DPP10: variants seen among roughly 807,000 people sequenced by gnomAD.
DPP10 encodes the protein inactive dipeptidyl peptidase 10.
In DPP10, 33 loss-of-function variants were observed where a neutral mutation model predicts 120.9. The ratio of observed to expected loss-of-function variants is 0.27; its 90% CI spans 0.21 to 0.37. The LOEUF is 0.37. Ranked by LOEUF, DPP10 falls within the 10% of genes least tolerant of loss-of-function variation. The probability of loss-of-function intolerance (pLI) is 1.00; values close to 1 mark genes in which losing one functional copy is unlikely to be tolerated. For missense variants in DPP10, 816 were observed against 942.8 expected, an observed-to-expected ratio of 0.87 and a Z score of 1.76; for synonymous variants, 337 against 326.1, an observed-to-expected ratio of 1.03 and a Z score of -0.36.
At chr2:115,030,601 T>G (rs1157182594) in intron 1 of DPP10, among the ~76,000 whole-genome samples, 1 of 152,146 alleles carries the variant, frequency 6.6e-6, no homozygotes, top group Non-Finnish European at 1.5e-5. Flanking sequence ...AAGCCCAGGA[T>G]TCATTAGCTA....
chr2:115,609,432 A>T (rs181489320), intron 5 of DPP10, among the ~76,000 whole-genome samples: 66 of 152,276 alleles, frequency 4.3e-4, no homozygotes, highest in African/African-American at 1.5e-3. Flanking sequence ...AAAAAGAGTC[A>T]TCAGGAAGAT....
At chr2:114,451,290 A>G (rs562528257) in intron 1 of DPP10, among the ~76,000 whole-genome samples, 1 of 152,246 alleles carries the variant, frequency 6.6e-6, no homozygotes, top group East Asian at 1.9e-4. Context: ...GGAATAGAGC[A>G]CTGGACTCGT....
At chr2:115,122,101 T>C (rs2049854556) in intron 1 of DPP10, among the ~76,000 whole-genome samples, 3 of 152,356 alleles carry the variant, frequency 2.0e-5, no homozygotes, top group East Asian at 1.9e-4. Context: ...CCTGCACTTA[T>C]GGCAGACTGG....
chr2:114,513,500 A>G (rs1320554492), intron 1 of DPP10, among the ~76,000 whole-genome samples: 1 of 145,270 alleles, frequency 6.9e-6, no homozygotes, highest in Non-Finnish European at 1.5e-5. Context: ...CAGCCTGGGC[A>G]ACAAGAGTGA....
intron 2 of DPP10, among the ~76,000 whole-genome samples, chr2:115,312,999 G>A (rs1195812423): frequency 6.6e-6 from 1 of 152,094 alleles, no homozygotes; most frequent in Non-Finnish European, 1.5e-5. Flanking sequence ...CGAGGTGGGA[G>A]GATCACGAGG....
At chr2:114,626,172 C>G (rs1694496024) in intron 1 of DPP10, among the ~76,000 whole-genome samples, 1 of 151,620 alleles carries the variant, frequency 6.6e-6, no homozygotes, top group Non-Finnish European at 1.5e-5. Flanking sequence ...TTAATCCACA[C>G]TACATATAAA....
intron 1 of DPP10, among the ~76,000 whole-genome samples, chr2:114,881,541 CTATCTAAG>C (rs1269046450): frequency 2.7e-5 from 4 of 147,820 alleles, no homozygotes; most frequent in African/African-American, 1.0e-4. Flanking sequence ...TCTATCCTAT[CTATCTAAG>C]TATCTATCTA....
chr2:115,782,324 TA>T (rs754686802), intron 16 of DPP10, 27 bp from the exon 17 acceptor site: 1 of 1,588,734 alleles, frequency 6.3e-7, no homozygotes, highest in Non-Finnish European at 8.6e-7. Flanking sequence ...TCTTTAAAAA[TA>T]TTTATACACA....
In DPP10 at chr2:115,305,339, G is replaced by A. The variant is rs545732699; in HGVS notation, c.61-3900G>A. Among the ~76,000 whole-genome samples, 3 of 152,180 alleles carry A rather than the reference G, an allele frequency of 2.0e-5. No individual in the cohort carries two copies. The South Asian group carries it at 6.2e-4, about 32-fold the overall frequency. ...GTGGTAGAAAGCCATCAAAAACAAA[G>A]TCAATCAGGATCACTTTCACCACCA... On this transcript the variant is annotated intron_variant, in intron 1 of 25. Transcript: ENST00000410059.
intron 4 of DPP10, among the ~76,000 whole-genome samples, chr2:115,503,348 G>A (rs563210457): frequency 6.6e-6 from 1 of 152,208 alleles, no homozygotes; most frequent in Admixed American, 6.6e-5. Flanking sequence ...TTTATTTGTT[G>A]TGCTGTTGGG....
At chr2:114,844,635 A>G (rs1485913911) in intron 1 of DPP10, among the ~76,000 whole-genome samples, 1 of 151,932 alleles carries the variant, frequency 6.6e-6, no homozygotes, top group Admixed American at 6.6e-5. Context: ...GAACATCCTC[A>G]TCATATGACT....
At chr2:114,617,741 T>A (rs1693784217) in intron 1 of DPP10, among the ~76,000 whole-genome samples, 1 of 152,126 alleles carries the variant, frequency 6.6e-6, no homozygotes, top group Admixed American at 6.6e-5. Flanking sequence ...TGCGAGTAAA[T>A]TCATTCCATT....
intron 5 of DPP10, among the ~76,000 whole-genome samples, chr2:115,612,050 TA>T (rs1230397046): frequency 1.3e-5 from 2 of 152,198 alleles, no homozygotes; most frequent in Non-Finnish European, 2.9e-5. Context: ...TGAGATATAT[TA>T]CAATATGGAA....
chr2:114,538,105 A>G (rs1476244963), intron 1 of DPP10, among the ~76,000 whole-genome samples: 2 of 152,216 alleles, frequency 1.3e-5, no homozygotes, highest in Non-Finnish European at 2.9e-5. Context: ...GAGATAAATT[A>G]AGGATTTGTT....
At chr2:115,006,312 A>T (rs1701837001) in intron 1 of DPP10, among the ~76,000 whole-genome samples, 1 of 152,070 alleles carries the variant, frequency 6.6e-6, no homozygotes, top group South Asian at 2.1e-4. Flanking sequence ...GCATCAACTA[A>T]CGAGCAAAAT....
intron 13 of DPP10, among the ~76,000 whole-genome samples, chr2:115,770,971 T>G (rs2149822283): frequency 6.6e-6 from 1 of 152,292 alleles, no homozygotes; most frequent in South Asian, 2.1e-4. Context: ...CATTTAATTG[T>G]ATTCCTAATA....
chr2:115,096,436 CAT>C (rs1407575193), intron 1 of DPP10, among the ~76,000 whole-genome samples: 1 of 151,986 alleles, frequency 6.6e-6, no homozygotes, highest in African/African-American at 2.4e-5. Flanking sequence ...ATGATAAACA[CAT>C]AAATACTTAA....
chr2:115,706,343 C>T (rs1009036198), intron 7 of DPP10, among the ~76,000 whole-genome samples: 1 of 151,764 alleles, frequency 6.6e-6, no homozygotes, highest in African/African-American at 2.4e-5. Context: ...CTCTTGTTTT[C>T]CAATGTAAAT....
At chr2:114,761,488 C>T (rs1207609819) in intron 1 of DPP10, among the ~76,000 whole-genome samples, 1 of 152,112 alleles carries the variant, frequency 6.6e-6, no homozygotes, top group Non-Finnish European at 1.5e-5. Context: ...ATATCTCTCT[C>T]TGTAGGGCAA....
Sources: allele counts gnomAD v4.1 joint callset (sites outside exome capture counted in the v4.1 genomes callset), GRCh38; gene constraint gnomAD v4.1.1; transcripts MANE v1.5; gene names NCBI Gene and HGNC (gene_info 2026-07-23, HGNC 2026-07-21).